TBC1D9: variants seen among roughly 807,000 people sequenced by gnomAD.
TBC1D9 encodes the protein TBC1 domain family member 9, also known as TBC1 domain family member 9A.
Under a neutral mutation model 132.0 loss-of-function variants are expected in TBC1D9, and 63 were observed. That is an observed-to-expected ratio of 0.48 (90% confidence interval 0.39 to 0.59). TBC1D9 has a LOEUF of 0.59. Ranked by LOEUF, TBC1D9 falls within the 20% of genes least tolerant of loss-of-function variation. TBC1D9 has a pLI of 0.00. For missense variants in TBC1D9, 1,261 were observed against 1,592.7 expected (o/e 0.79, Z 3.54); for synonymous variants, 610 against 609.9 (o/e 1.00, Z 0.00).
chr4:140,684,322 C>T (rs907289985), intron 3 of TBC1D9, among the ~76,000 whole-genome samples: 1 of 151,776 alleles, frequency 6.6e-6, no homozygotes, highest in Non-Finnish European at 1.5e-5. Context: ...ATTATGGTTG[C>T]ATCTGTAGTT....
At chr4:140,646,834 C>T (rs1234271310) in intron 13 of TBC1D9, among the ~76,000 whole-genome samples, 1 of 152,202 alleles carries the variant, frequency 6.6e-6, no homozygotes, top group Non-Finnish European at 1.5e-5. Flanking sequence ...CAAGGAAGTG[C>T]CTTCCAAAGG....
chr4:140,689,193 C>T (rs752280737), intron 2 of TBC1D9, among the ~76,000 whole-genome samples: 1 of 152,112 alleles, frequency 6.6e-6, no homozygotes, highest in Non-Finnish European at 1.5e-5. Flanking sequence ...GTCTGAGCCT[C>T]GGCTCAGCCA....
intron 1 of TBC1D9, among the ~76,000 whole-genome samples, chr4:140,713,206 G>A (rs1221938180): frequency 6.6e-6 from 1 of 151,958 alleles, no homozygotes; most frequent in East Asian, 1.9e-4. Flanking sequence ...CCAAAGCACT[G>A]GGATTACAGG....
At position 140,756,041 on chromosome 4, in the gene TBC1D9, C is replaced by T. The variant is rs866083659; in HGVS notation, c.5G>A (p.Trp2Ter). The T allele has an allele frequency of 1.2e-6, 2 of 1,607,120 alleles. No individual in the cohort carries two copies. Among genetic ancestry groups the T allele is most frequent in the Non-Finnish European group, 1.7e-6 (2 of 1,176,620 alleles). ...CAGCAACACCTCCTCCGGGTTCACC[C>T]ACATGGTCCTGGCTGCCGCGGGCGG... is the stretch of plus-strand genomic sequence containing the variant. M[W>*]VNPEEVLLAN... The change falls in exon 1 of 21, where the codon TGG becomes TAG. Residue 2 changes from tryptophan (W) to a stop codon, truncating the protein, a stop_gained. Coordinates refer to ENST00000442267, the MANE Select transcript of TBC1D9 (RefSeq NM_015130.3). LOFTEE classifies it high-confidence loss of function. This position sits in a 1 kb window ranked among gnomAD's most constrained non-coding sequence, Gnocchi z 5.6.
chr4:140,682,988 G>T (rs964801976), intron 3 of TBC1D9, among the ~76,000 whole-genome samples: 4 of 152,190 alleles, frequency 2.6e-5, no homozygotes, highest in African/African-American at 7.2e-5. Flanking sequence ...CTGGGTTCAA[G>T]TGATTCTCCT....
rs781281529 is a variant in TBC1D9, at chr4:140,669,623, G to C, written c.1437+11C>G. The C allele has an allele frequency of 1.3e-6, 2 of 1,597,070 alleles. No homozygotes were observed. The highest frequency in any genetic ancestry group is 2.2e-5 in the South Asian group (2 of 90,254). On this transcript the variant is annotated intron_variant, in intron 8 of 20. Transcript: ENST00000442267. ...TCTACAAAGTTTCAGGGAAAAGTGAGAGGCACCCACCAATTTCGGGTTGAA... is the reference window on the plus strand; with the variant it reads ...TCTACAAAGTTTCAGGGAAAAGTGACAGGCACCCACCAATTTCGGGTTGAA...
rs560661844 is a variant in TBC1D9 at position 140,706,027 on chromosome 4, T to C, written c.131-4413A>G. ...TTGCTTCCCATTTGGTTGTGGGCAC[T>C]GGAAGATGTGTGATGCACAGTCACC... is the stretch of plus-strand genomic sequence containing the variant. On this transcript the variant is annotated intron_variant, in intron 1 of 20. Transcript: ENST00000442267. The surrounding 1 kb of genome is among the most constrained non-coding windows in gnomAD (Gnocchi z 4.0). Among the ~76,000 whole-genome samples the C allele has an allele frequency of 5.3e-5, 8 of 152,334 alleles. No homozygotes were observed. In the East Asian group the frequency reaches 1.3e-3, roughly 26 times the overall value.
chr4:140,649,441 A>G (rs1737152285), intron 13 of TBC1D9, among the ~76,000 whole-genome samples: 1 of 152,240 alleles, frequency 6.6e-6, no homozygotes, highest in Admixed American at 6.5e-5. Flanking sequence ...CACCTGAGAC[A>G]TTCCTTGATC....
intron 13 of TBC1D9, chr4:140,643,247 C>G (rs1737038655): frequency 7.6e-7 from 1 of 1,321,174 alleles, no homozygotes; most frequent in Admixed American, 2.0e-5. Flanking sequence ...TCCTCTCCAG[C>G]TCCAGCTCTG....
At chr4:140,722,274 A>G (rs1738436811) in intron 1 of TBC1D9, among the ~76,000 whole-genome samples, 1 of 146,234 alleles carries the variant, frequency 6.8e-6, no homozygotes, top group East Asian at 1.9e-4. Context: ...AAAGAGGGGG[A>G]AAAAAGCTCA....
intron 13 of TBC1D9, chr4:140,642,076 G>A: frequency 1.4e-6 from 1 of 701,798 alleles, no homozygotes; most frequent in Non-Finnish European, 2.6e-6. Flanking sequence ...AGTCCGGGAG[G>A]GGGCGGAGGA....
chr4:140,688,835 G>A (rs1223643650), intron 2 of TBC1D9, among the ~76,000 whole-genome samples: 2 of 152,106 alleles, frequency 1.3e-5, no homozygotes, highest in African/African-American at 4.8e-5. Context: ...GAGTCATTTT[G>A]GAGTTTGAAA....
intron 11 of TBC1D9, 143 bp from the exon 12 acceptor site, chr4:140,657,955 G>A: frequency 8.9e-6 from 8 of 897,494 alleles, no homozygotes; most frequent in Non-Finnish European, 1.4e-5. Context: ...CTAGACCAAG[G>A]TGTCAACACA....
intron 2 of TBC1D9, among the ~76,000 whole-genome samples, chr4:140,691,904 T>C (rs1347928388): frequency 1.4e-4 from 21 of 152,202 alleles, no homozygotes. Context: ...TTGAAATAAA[T>C]AGAAGATGGA....
chr4:140,682,565 G>C (rs1414819459), intron 3 of TBC1D9, among the ~76,000 whole-genome samples: 1 of 152,156 alleles, frequency 6.6e-6, no homozygotes, highest in Admixed American at 6.6e-5. Context: ...AGTTGTCAGT[G>C]CCTTTAGAGA....
chr4:140,644,375 C>G (rs1451088425), intron 13 of TBC1D9: 1 of 278,368 alleles, frequency 3.6e-6, no homozygotes, highest in Non-Finnish European at 7.2e-6. Flanking sequence ...TGTAGGCAGG[C>G]GCCTTGGACA....
At chr4:140,688,298 C>T (rs1737820458) in intron 2 of TBC1D9, among the ~76,000 whole-genome samples, 1 of 152,186 alleles carries the variant, frequency 6.6e-6, no homozygotes, top group South Asian at 2.1e-4. Context: ...TCCTTCTCTG[C>T]CACCAGTCAC....
chr4:140,627,402 A>G, intron 18 of TBC1D9, 39 bp downstream of exon 18: 3 of 1,344,804 alleles, frequency 2.2e-6, no homozygotes, highest in Non-Finnish European at 3.2e-6. Flanking sequence ...GGCTCGGTAG[A>G]AAACAAATAT....
At chr4:140,640,525 A>AG (rs1338836378) in intron 13 of TBC1D9, among the ~76,000 whole-genome samples, 3 of 152,010 alleles carry the variant, frequency 2.0e-5, no homozygotes, top group Non-Finnish European at 2.9e-5. Context: ...TTACATTGTC[A>AG]GGGTGAGGGA....
Sources: allele counts gnomAD v4.1 joint callset (sites outside exome capture counted in the v4.1 genomes callset), GRCh38; gene constraint gnomAD v4.1.1; non-coding constraint Gnocchi (gnomAD v3.1); transcripts MANE v1.5; gene names NCBI Gene and HGNC (gene_info 2026-07-23, HGNC 2026-07-21).